The following ATP10B variants were observed in gnomAD, a reference collection of about 807,000 sequenced individuals.
ATP10B encodes the protein phospholipid-transporting ATPase VB.
ATP10B carries 122 observed loss-of-function variants against 141.2 expected under a neutral mutation model. The ratio of observed to expected loss-of-function variants is 0.86; its 90% CI spans 0.75 to 1.00. The LOEUF is 1.00. Among genes scored for constraint, ATP10B ranks in the 50% least tolerant of loss-of-function variants. The pLI is 0.00. For missense variants in ATP10B, 1,876 were observed against 1,825.3 expected (o/e 1.03, Z -0.51); for synonymous variants, 685 against 692.0 (o/e 0.99, Z 0.16).
intron 7 of ATP10B, among the ~76,000 whole-genome samples, chr5:160,654,704 G>GTCA (rs151297339): frequency 8.5e-4 from 129 of 152,044 alleles, no homozygotes; most frequent in South Asian, 2.7e-3. Context: ...TGTCGTCATC[G>GTCA]TCATCATCAT....
At chr5:160,688,627 T>C in intron 4 of ATP10B, 133 bp downstream of exon 4, 4 of 376,736 alleles carry the variant, frequency 1.1e-5, no homozygotes, top group Non-Finnish European at 1.5e-5. Context: ...ACAAGATTTT[T>C]GTGAGGAACA....
intron 1 of ATP10B, among the ~76,000 whole-genome samples, chr5:160,790,799 C>T (rs6862631): frequency 0.12 from 17,986 of 152,144 alleles, 1,137 homozygotes; most frequent in East Asian, 0.13. Flanking sequence ...AAAGGGAACT[C>T]TGCAAGTGGA....
intron 1 of ATP10B, among the ~76,000 whole-genome samples, chr5:160,788,963 TA>T (rs1467462479): frequency 2.0e-5 from 3 of 152,198 alleles, no homozygotes; most frequent in African/African-American, 7.2e-5. Context: ...AAAGATGGCT[TA>T]ATCGACATTC....
At chr5:160,705,591 C>A (rs1764967067) in intron 3 of ATP10B, among the ~76,000 whole-genome samples, 1 of 152,160 alleles carries the variant, frequency 6.6e-6, no homozygotes. Context: ...TTTCTCACCT[C>A]TCTCTGTCTT....
chr5:160,700,677 C>A (rs1227186670), intron 3 of ATP10B, among the ~76,000 whole-genome samples: 6 of 152,160 alleles, frequency 3.9e-5, no homozygotes, highest in Non-Finnish European at 8.8e-5. Flanking sequence ...ACCCTCTCAA[C>A]TTTATTATTT....
At chr5:160,884,033 T>C in the ATP10B span, among the ~76,000 whole-genome samples, 4 of 152,162 alleles carry the variant, frequency 2.6e-5, no homozygotes, top group African/African-American at 9.7e-5. Flanking sequence ...AATGAACGAA[T>C]TGTACATTTT....
intron 10 of ATP10B, chr5:160,639,176 C>G (rs1759641344): frequency 6.6e-6 from 1 of 152,392 alleles, no homozygotes; most frequent in African/African-American, 2.4e-5. Flanking sequence ...CTCTGCCATC[C>G]TCCTCCTCTG....
intron 22 of ATP10B, 54 bp downstream of exon 22, chr5:160,598,716 T>C (rs1479843428): frequency 5.2e-6 from 8 of 1,549,230 alleles, no homozygotes; most frequent in Non-Finnish European, 7.1e-6. Flanking sequence ...AGAGGGGAGG[T>C]AGAGGTCAGT....
intron 23 of ATP10B, among the ~76,000 whole-genome samples, chr5:160,589,986 T>C (rs1266909155): frequency 1.3e-5 from 2 of 152,184 alleles, no homozygotes; most frequent in East Asian, 3.8e-4. Context: ...TGCTAACAGC[T>C]GAGGATACTT....
At chr5:160,750,437 T>G (rs1768075897) in intron 2 of ATP10B, among the ~76,000 whole-genome samples, 1 of 152,218 alleles carries the variant, frequency 6.6e-6, no homozygotes, top group African/African-American at 2.4e-5. Flanking sequence ...TCCAGCAACA[T>G]GGACTTCATT....
intron 1 of ATP10B, among the ~76,000 whole-genome samples, chr5:160,835,847 A>G (rs1293493892): frequency 6.6e-6 from 1 of 152,098 alleles, no homozygotes; most frequent in African/African-American, 2.4e-5. Context: ...GTCACATCCA[A>G]TTTGATTAAA....
At chr5:160,717,899 CA>C (rs1299635306) in intron 2 of ATP10B, among the ~76,000 whole-genome samples, 1 of 152,060 alleles carries the variant, frequency 6.6e-6, no homozygotes, top group African/African-American at 2.4e-5. Context: ...GGTATGTACC[CA>C]AAACTAGTCA....
intron 13 of ATP10B, among the ~76,000 whole-genome samples, chr5:160,629,236 G>A (rs1223588332): frequency 1.3e-5 from 2 of 152,258 alleles, no homozygotes; most frequent in East Asian, 1.9e-4. Context: ...GGTGGGCACC[G>A]AGACAGCCAC....
intron 6 of ATP10B, among the ~76,000 whole-genome samples, chr5:160,683,512 C>A (rs1165279703): frequency 2.6e-5 from 4 of 152,250 alleles, no homozygotes; most frequent in Non-Finnish European, 5.9e-5. Context: ...CCACCTTTCA[C>A]TCCCCTGGAG....
intron 1 of ATP10B, among the ~76,000 whole-genome samples, chr5:160,820,815 G>A (rs1364851140): frequency 1.3e-5 from 2 of 152,096 alleles, no homozygotes; most frequent in African/African-American, 4.8e-5. Flanking sequence ...TATTGATGCT[G>A]AAAAAGCATT....
chr5:160,753,619 A>G (rs940010698), intron 2 of ATP10B, among the ~76,000 whole-genome samples: 3 of 152,198 alleles, frequency 2.0e-5, no homozygotes, highest in Admixed American at 6.5e-5. Context: ...AAAACAAGAG[A>G]GGGTTTTAAA....
At chr5:160,816,737 G>A (rs191635126) in intron 1 of ATP10B, among the ~76,000 whole-genome samples, 13 of 152,186 alleles carry the variant, frequency 8.5e-5, no homozygotes, top group Admixed American at 5.2e-4. Flanking sequence ...GATAAACATC[G>A]ATGCAAAAAT....
chr5:160,782,518 G>A (rs1395680249), intron 2 of ATP10B, among the ~76,000 whole-genome samples: 1 of 150,140 alleles, frequency 6.7e-6, no homozygotes, highest in Non-Finnish European at 1.5e-5. Context: ...AGGCGTATCT[G>A]AGCCCCCAGA....
At position 160,564,380 on chromosome 5, in the gene ATP10B, T is replaced by C. The variant is rs574826070; in HGVS notation, c.*1073A>G. ...GGATAGGAAGTCTATATAATCCTTC[T>C]TTTCCCTGTGAAGTGACACTTGCTC... On this transcript the variant is annotated 3_prime_UTR_variant, in exon 26 of 26. Coordinates refer to ENST00000327245, the MANE Select transcript of ATP10B (RefSeq NM_025153.3). The C allele has an allele frequency of 6.6e-6, 1 of 152,286 alleles. No individual in the cohort carries two copies. The highest frequency in any genetic ancestry group is 1.9e-4 in the East Asian group (1 of 5,176). 9.4% of individuals were successfully genotyped at this position (152,286 alleles called of 1,614,324 possible).
Sources: allele counts gnomAD v4.1 joint callset (sites outside exome capture counted in the v4.1 genomes callset), GRCh38; gene constraint gnomAD v4.1.1; transcripts MANE v1.5; gene names NCBI Gene and HGNC (gene_info 2026-07-23, HGNC 2026-07-21).